Variants in CRIM1 observed in about 807,000 individuals in gnomAD.
The protein encoded by CRIM1 is cysteine-rich motor neuron 1 protein.
CRIM1 carries 32 observed loss-of-function variants against 116.4 expected under a neutral mutation model. That is an observed-to-expected ratio of 0.27 (90% CI 0.21 to 0.37). The LOEUF is 0.37. Among genes scored for constraint, CRIM1 ranks in the 10% least tolerant of loss-of-function variants. CRIM1 has a pLI of 1.00. For missense variants in CRIM1, 1,331 were observed against 1,354.8 expected, an observed-to-expected ratio of 0.98 and a Z score of 0.28; for synonymous variants, 590 against 509.2, an observed-to-expected ratio of 1.16 and a Z score of -2.13.
intron 2 of CRIM1, among the ~76,000 whole-genome samples, chr2:36,434,908 T>C (rs1402731243): frequency 6.6e-6 from 1 of 152,208 alleles, no homozygotes; most frequent in Non-Finnish European, 1.5e-5. Context: ...CCTTCTTTCA[T>C]GCAAGCCTGT....
chr2:36,496,254 C>G (rs1262448909), intron 7 of CRIM1, among the ~76,000 whole-genome samples: 1 of 152,098 alleles, frequency 6.6e-6, no homozygotes, highest in Non-Finnish European at 1.5e-5. Flanking sequence ...TTAAGAAAAC[C>G]TAGATTTCTA....
chr2:36,365,537 C>G (rs1004667262), intron 1 of CRIM1, among the ~76,000 whole-genome samples: 5 of 152,150 alleles, frequency 3.3e-5, no homozygotes, highest in Non-Finnish European at 7.4e-5. Flanking sequence ...TTTTCTCTCT[C>G]CCAGTCATTC....
intron 13 of CRIM1, among the ~76,000 whole-genome samples, chr2:36,525,950 G>A (rs988656592): frequency 6.6e-6 from 1 of 152,190 alleles, no homozygotes; most frequent in Non-Finnish European, 1.5e-5. Flanking sequence ...AGTCACTAAT[G>A]AGCAATGATA....
chr2:36,524,880 G>A (rs1283386340), intron 13 of CRIM1, among the ~76,000 whole-genome samples: 1 of 151,664 alleles, frequency 6.6e-6, no homozygotes, highest in African/African-American at 2.4e-5. Flanking sequence ...ATTCTTCATT[G>A]GTGTAGAAAA....
At chr2:36,477,263 AGGGAAGCTATGCCTG>A (rs1679058693) in intron 6 of CRIM1, among the ~76,000 whole-genome samples, 192 bp downstream of exon 6, 2 of 152,194 alleles carry the variant, frequency 1.3e-5, no homozygotes, top group Admixed American at 1.3e-4. Flanking sequence ...CACTTCCCTA[AGGGAAGCTATGCCTG>A]GGTGTAGACA....
chr2:36,392,451 T>TC (rs1320017752), intron 1 of CRIM1, among the ~76,000 whole-genome samples: 1 of 150,314 alleles, frequency 6.7e-6, no homozygotes, highest in Non-Finnish European at 1.5e-5. Flanking sequence ...GTTTTTAACT[T>TC]TTTTTTTTTC....
intron 2 of CRIM1, among the ~76,000 whole-genome samples, chr2:36,401,284 A>G (rs902640174): frequency 9.9e-5 from 15 of 152,194 alleles, no homozygotes; most frequent in African/African-American, 3.1e-4. Context: ...CAGTTTGTTA[A>G]AAATATAAAG....
In CRIM1 at chr2:36,473,965, C is replaced by G. The variant is rs371889401; in HGVS notation, c.992-2924C>G. Among the ~76,000 whole-genome samples, 29 of 152,124 alleles carry G rather than the reference C, an allele frequency of 1.9e-4. No homozygotes were observed. The East Asian group carries it at 5.0e-3, about 26-fold the overall frequency. On this transcript the variant is annotated intron_variant, in intron 5 of 16. Transcript: ENST00000280527. The stretch of plus-strand genomic sequence containing the variant: ...AAGCAGCTGTGCTTTTACATCCTCA[C>G]TAAAAATCTATGAGAATTCCAGTTT...
At chr2:36,397,905 CTG>C (rs1397134775) in intron 2 of CRIM1, among the ~76,000 whole-genome samples, 1 of 152,192 alleles carries the variant, frequency 6.6e-6, no homozygotes, top group Non-Finnish European at 1.5e-5. Context: ...CACTGGGAAA[CTG>C]AGTTTCCACG....
chr2:36,462,953 G>T (rs1172103522), intron 4 of CRIM1, among the ~76,000 whole-genome samples: 1 of 152,174 alleles, frequency 6.6e-6, no homozygotes, highest in Non-Finnish European at 1.5e-5. Flanking sequence ...TGATTGTCCT[G>T]CAGGAATATA....
intron 8 of CRIM1, among the ~76,000 whole-genome samples, chr2:36,500,096 G>A (rs1350683307): frequency 3.9e-5 from 6 of 152,098 alleles, no homozygotes; most frequent in African/African-American, 7.2e-5. Context: ...GGAGGCTAAG[G>A]CAGGCAGATC....
intron 2 of CRIM1, among the ~76,000 whole-genome samples, chr2:36,417,712 A>G (rs1404001946): frequency 5.9e-5 from 9 of 152,236 alleles, no homozygotes; most frequent in African/African-American, 4.8e-5. Flanking sequence ...CATTTGAGTG[A>G]TAAATAAGGT....
intron 4 of CRIM1, among the ~76,000 whole-genome samples, chr2:36,463,416 C>T (rs564731340): frequency 5.5e-4 from 84 of 152,124 alleles, no homozygotes; most frequent in Non-Finnish European, 7.9e-4. Flanking sequence ...GGAACATTAC[C>T]TTTCCTGATC....
intron 2 of CRIM1, among the ~76,000 whole-genome samples, chr2:36,397,430 T>C (rs1022596734): frequency 1.4e-4 from 21 of 152,004 alleles, no homozygotes; most frequent in Admixed American, 5.9e-4. Context: ...TAATCTTGAG[T>C]GAAGTACCCA....
chr2:36,472,944 G>GA (rs1470616610), intron 5 of CRIM1, among the ~76,000 whole-genome samples: 1 of 152,020 alleles, frequency 6.6e-6, no homozygotes, highest in African/African-American at 2.4e-5. Context: ...TTAATTTTCT[G>GA]AAAAAATGTT....
chr2:36,475,398 G>A (rs1678892161), intron 5 of CRIM1, among the ~76,000 whole-genome samples: 2 of 152,034 alleles, frequency 1.3e-5, no homozygotes. Context: ...CATTGCTAGG[G>A]TATACAAACA....
chr2:36,442,460 C>G, intron 3 of CRIM1, among the ~76,000 whole-genome samples, 155 bp from the exon 4 acceptor site: 1 of 152,164 alleles, frequency 6.6e-6, no homozygotes, highest in East Asian at 1.9e-4. Context: ...TATTGCAGTT[C>G]TATAGCATTA....
intron 5 of CRIM1, among the ~76,000 whole-genome samples, chr2:36,468,819 T>G (rs1303293482): frequency 6.6e-6 from 1 of 152,138 alleles, no homozygotes; most frequent in Non-Finnish European, 1.5e-5. Context: ...AAATCCTAGG[T>G]GTAGAGTGTG....
intron 8 of CRIM1, among the ~76,000 whole-genome samples, chr2:36,501,541 A>C (rs1166934676): frequency 3.3e-5 from 5 of 152,062 alleles, no homozygotes; most frequent in Non-Finnish European, 1.5e-5. Context: ...CAACATGGCA[A>C]AACCCCATCT....
Sources: gnomAD v4.1 joint callset for allele counts (sites outside exome capture counted in the v4.1 genomes callset) on GRCh38, gnomAD v4.1.1 for gene constraint, MANE v1.5 for transcripts, NCBI Gene and HGNC (gene_info 2026-07-23, HGNC 2026-07-21) for gene names.